ATAD2B: variants seen among roughly 807,000 people sequenced by gnomAD.
ATAD2B encodes ATPase family AAA domain containing 2B.
In ATAD2B, 40 loss-of-function variants were observed where a neutral mutation model predicts 167.6. That is an observed-to-expected ratio of 0.24 (90% CI 0.19 to 0.31). The LOEUF (loss-of-function observed/expected upper bound fraction) is 0.31. ATAD2B is among the 10% of genes least tolerant of loss of function. ATAD2B has a pLI of 1.00. For synonymous variants in ATAD2B, 579 were observed against 596.5 expected (o/e 0.97, Z 0.43); for missense variants, 1,242 against 1,757.2 (o/e 0.71, Z 5.24).
chr2:23,800,306 C>T (rs541325226), intron 18 of ATAD2B, among the ~76,000 whole-genome samples: 2 of 152,286 alleles, frequency 1.3e-5, no homozygotes, highest in African/African-American at 4.8e-5. Flanking sequence ...CTACCACATA[C>T]ATGCCCAGGG....
chr2:23,738,545 G>A, the ATAD2B span, among the ~76,000 whole-genome samples: 1 of 152,142 alleles, frequency 6.6e-6, no homozygotes, highest in African/African-American at 2.4e-5. Context: ...AGCTCCTGAA[G>A]GAAGCACTAA....
At chr2:23,722,996 A>T in the ATAD2B span, among the ~76,000 whole-genome samples, 1 of 152,222 alleles carries the variant, frequency 6.6e-6, no homozygotes, top group South Asian at 2.1e-4. Context: ...CATCTGATTT[A>T]AAAATGGGCA....
At chr2:23,866,963 GT>G (rs1695230045) in intron 10 of ATAD2B, among the ~76,000 whole-genome samples, 1 of 152,106 alleles carries the variant, frequency 6.6e-6, no homozygotes, top group Non-Finnish European at 1.5e-5. Flanking sequence ...TCTTGTGCCT[GT>G]TTTTGTGCTA....
At chr2:23,867,724 C>T (rs567738917) in intron 10 of ATAD2B, 111 bp downstream of exon 10, 6 of 732,000 alleles carry the variant, frequency 8.2e-6, no homozygotes, top group Non-Finnish European at 1.4e-5. Flanking sequence ...TACATCGAAA[C>T]ATTAACACTG....
At chr2:23,759,130 G>A (rs1446620686) in intron 24 of ATAD2B, among the ~76,000 whole-genome samples, 1 of 152,056 alleles carries the variant, frequency 6.6e-6, no homozygotes, top group Admixed American at 6.5e-5. Context: ...AACCACTTAT[G>A]CTAGAGCTGA....
chr2:23,739,916 T>G, the ATAD2B span, among the ~76,000 whole-genome samples: 1 of 152,100 alleles, frequency 6.6e-6, no homozygotes, highest in Non-Finnish European at 1.5e-5. Context: ...GAGAATATTA[T>G]AAACACCTCT....
chr2:23,748,507 C>A (rs1675038373), downstream of ATAD2B, among the ~76,000 whole-genome samples: 1 of 152,090 alleles, frequency 6.6e-6, no homozygotes, highest in Admixed American at 6.6e-5. Context: ...GCTAAAAAAT[C>A]GTGAGGTGTA....
chr2:23,847,556 A>G (rs1197296438), intron 13 of ATAD2B, among the ~76,000 whole-genome samples: 1 of 151,890 alleles, frequency 6.6e-6, no homozygotes, highest in Non-Finnish European at 1.5e-5. Context: ...GGCCCCAGCT[A>G]TTTGGGAGGC....
chr2:23,691,686 C>T, the ATAD2B span: 1 of 1,551,728 alleles, frequency 6.4e-7, no homozygotes, highest in Admixed American at 2.0e-5. Flanking sequence ...CCGTGCAAGA[C>T]AGCGGCCAGG....
chr2:23,822,390 C>T (rs1388150561), intron 16 of ATAD2B, among the ~76,000 whole-genome samples: 3 of 151,606 alleles, frequency 2.0e-5, no homozygotes, highest in Non-Finnish European at 4.4e-5. Context: ...CAAACAAATA[C>T]AAAAATTAGC....
intron 22 of ATAD2B, among the ~76,000 whole-genome samples, chr2:23,781,251 G>C (rs1191686057): frequency 1.3e-5 from 2 of 151,770 alleles, no homozygotes; most frequent in East Asian, 1.9e-4. Flanking sequence ...CTGTGCTCAT[G>C]ATGGGTCAAG....
At chr2:23,861,572 A>G (rs1694376310) in intron 12 of ATAD2B, among the ~76,000 whole-genome samples, 1 of 152,068 alleles carries the variant, frequency 6.6e-6, no homozygotes, top group Non-Finnish European at 1.5e-5. Context: ...ACTATGAAAC[A>G]GAAATAAAAT....
At chr2:23,841,742 C>T (rs530678649) in intron 13 of ATAD2B, among the ~76,000 whole-genome samples, 9 of 152,270 alleles carry the variant, frequency 5.9e-5, no homozygotes, top group African/African-American at 2.2e-4. Flanking sequence ...TCTCAAACTC[C>T]TAGGCTCAAG....
At chr2:23,732,940 ATC>A in the ATAD2B span, among the ~76,000 whole-genome samples, 7 of 152,316 alleles carry the variant, frequency 4.6e-5, no homozygotes, top group African/African-American at 1.7e-4. Flanking sequence ...GCAAGTAAAA[ATC>A]TCTCTGTGAC....
chr2:23,832,349 G>A (rs1689190657), intron 14 of ATAD2B: 1 of 363,356 alleles, frequency 2.8e-6, no homozygotes, highest in Admixed American at 3.9e-5. Flanking sequence ...TTAGATTTCA[G>A]TCTCACAAAA....
At chr2:23,778,470 G>A (rs1415118366) in intron 22 of ATAD2B, among the ~76,000 whole-genome samples, 1 of 152,088 alleles carries the variant, frequency 6.6e-6, no homozygotes, top group Non-Finnish European at 1.5e-5. Context: ...ATGGTCCAGG[G>A]AATGTAATAA....
intron 1 of ATAD2B, among the ~76,000 whole-genome samples, chr2:23,896,187 G>A (rs1347534718): frequency 6.6e-6 from 1 of 151,444 alleles, no homozygotes; most frequent in East Asian, 1.9e-4. Context: ...TGGGTGTGGT[G>A]GCAGGCACCT....
At chr2:23,828,633 C>G (rs1427583086) in intron 15 of ATAD2B, among the ~76,000 whole-genome samples, 2 of 152,170 alleles carry the variant, frequency 1.3e-5, no homozygotes, top group African/African-American at 4.8e-5. Context: ...TATTATTGAG[C>G]TTTGTTAACT....
At chr2:23,888,948 A>G (rs1469951041) in intron 2 of ATAD2B, among the ~76,000 whole-genome samples, 2 of 152,208 alleles carry the variant, frequency 1.3e-5, no homozygotes, top group South Asian at 2.1e-4. Flanking sequence ...AAATCACTGG[A>G]AAGTTACTAA....
Sources: gnomAD v4.1 joint callset for allele counts (sites outside exome capture counted in the v4.1 genomes callset) on GRCh38, gnomAD v4.1.1 for gene constraint, MANE v1.5 for transcripts, NCBI Gene and HGNC (gene_info 2026-07-23, HGNC 2026-07-21) for gene names.